ANXA3: variants seen among roughly 807,000 people sequenced by gnomAD.
ANXA3 encodes the protein 35-alpha calcimedin.
In ANXA3, 46 loss-of-function variants were observed where a neutral mutation model predicts 48.8. The observed-to-expected ratio is 0.94, with a 90% CI of 0.74 to 1.21. ANXA3 has a LOEUF of 1.21. Ranked by LOEUF, ANXA3 falls within the 50% of genes most tolerant of loss-of-function variation. The probability of loss-of-function intolerance (pLI) is 0.00; values close to 1 mark genes in which losing one functional copy is unlikely to be tolerated. For synonymous variants in ANXA3, 128 were observed against 134.7 expected (o/e 0.95, Z 0.35); for missense variants, 383 against 378.6 (o/e 1.01, Z -0.10).
At chr4:78,579,720 G>A (rs1723034902) in intron 4 of ANXA3, among the ~76,000 whole-genome samples, 1 of 152,180 alleles carries the variant, frequency 6.6e-6, no homozygotes, top group Admixed American at 6.5e-5. Flanking sequence ...CCTGAGATCA[G>A]GAGTTTGAGA....
intron 2 of ANXA3, 57 bp downstream of exon 2, chr4:78,554,545 C>T: frequency 6.5e-7 from 1 of 1,527,872 alleles, no homozygotes. Context: ...AACCAAAACA[C>T]AGAAGGTCAA....
At chr4:78,587,635 A>AT (rs1416640615) in intron 6 of ANXA3, among the ~76,000 whole-genome samples, 1 of 152,168 alleles carries the variant, frequency 6.6e-6, no homozygotes, top group Non-Finnish European at 1.5e-5. Context: ...AGGAGTACAT[A>AT]TTGGTCCTCA....
intron 2 of ANXA3, among the ~76,000 whole-genome samples, chr4:78,562,367 C>T (rs1420955967): frequency 6.6e-6 from 1 of 152,152 alleles, no homozygotes. Context: ...TCATTTGTAA[C>T]TCTTTGTGTT....
At chr4:78,578,852 A>AAAT (rs1723015425) in intron 3 of ANXA3, among the ~76,000 whole-genome samples, 175 bp from the exon 4 acceptor site, 1 of 148,742 alleles carries the variant, frequency 6.7e-6, no homozygotes, top group Non-Finnish European at 1.5e-5. Context: ...TCAGGCAAAC[A>AAAT]AAATAAATAA....
chr4:78,595,732 T>G, intron 8 of ANXA3, 62 bp from the exon 9 acceptor site: 1 of 1,045,118 alleles, frequency 9.6e-7, no homozygotes, highest in African/African-American at 1.6e-5. Context: ...ACTCCGATTC[T>G]TCTCATGTCA....
At chr4:78,607,833 GTC>G (rs1367562186) in intron 12 of ANXA3, among the ~76,000 whole-genome samples, 1 of 152,180 alleles carries the variant, frequency 6.6e-6, no homozygotes, top group Non-Finnish European at 1.5e-5. Context: ...TGTGTTGAGT[GTC>G]TCCTGTGGGC....
intron 1 of ANXA3, among the ~76,000 whole-genome samples, chr4:78,553,334 A>G (rs1043680056): frequency 4.6e-5 from 7 of 152,188 alleles, no homozygotes; most frequent in African/African-American, 1.7e-4. Flanking sequence ...CATTTAATCA[A>G]TAAGTTTTTT....
chr4:78,552,145 C>T (rs984769970), intron 1 of ANXA3: 1 of 152,348 alleles, frequency 6.6e-6, no homozygotes, highest in African/African-American at 2.4e-5. Context: ...CAAGCTGATA[C>T]TCAGCTGTCC....
chr4:78,600,524 G>T (rs1006974531), intron 10 of ANXA3, among the ~76,000 whole-genome samples: 2 of 152,120 alleles, frequency 1.3e-5, no homozygotes, highest in African/African-American at 4.8e-5. Context: ...TAGTTTAAAT[G>T]GTTAGTTTCT....
intron 7 of ANXA3, 109 bp downstream of exon 7, chr4:78,591,732 C>A (rs1258008908): frequency 1.1e-5 from 8 of 759,166 alleles, no homozygotes; most frequent in Non-Finnish European, 1.8e-5. Context: ...CACAATTTTC[C>A]TTATGAAATG....
rs780472674 is a variant in ANXA3, at chr4:78,597,342, A to C, written c.658A>C (p.Ser220Arg). 2.5e-6 allele frequency: 4 copies of C among 1,609,060 alleles called. No homozygotes were observed. The Admixed American group carries it at 6.8e-5, about 27-fold the overall frequency. ...AGCATTTGATGAATACAGAAATATC[A>C]GCCAAAAGGACATTGTGGACAGCAT... is the stretch of plus-strand genomic sequence containing the variant. ...KLTFDEYRNI[S>R]QKDIVDSIKG... The change falls in exon 10 of 13, where the codon AGC (serine) becomes CGC (arginine). Residue 220 changes from serine to arginine, a missense_variant. Ser to Arg is a moderately radical substitution (Grantham distance 110). Coordinates refer to ENST00000264908, the MANE Select transcript of ANXA3 (RefSeq NM_005139.3).
chr4:78,582,157 C>G lies in ANXA3; in HGVS notation c.199-20C>G. 6.6e-7 allele frequency: 1 copy of G among 1,524,130 alleles called. No individual in the cohort carries two copies. Among genetic ancestry groups the G allele is most frequent in the South Asian group, 1.1e-5 (1 of 87,308 alleles). 94.4% of individuals were successfully genotyped at this position (1,524,130 alleles called of 1,614,324 possible). A position where few individuals can be genotyped will look rare whatever the true frequency, so the allele number is the denominator to read the frequency against. The stretch of plus-strand genomic sequence containing the variant: ...GAAAAAAAGTATTTCACATTTTTCC[C>G]CTTGGTTTTTTGATTTTAGGAGCTG... On this transcript the variant is annotated intron_variant, in intron 4 of 12. Transcript: ENST00000264908.
intron 11 of ANXA3, chr4:78,601,936 A>G (rs1314130960): frequency 6.2e-6 from 1 of 160,438 alleles, no homozygotes; most frequent in African/African-American, 2.4e-5. Flanking sequence ...TTCATCCTCT[A>G]TTTTAAATAG....
intron 3 of ANXA3, among the ~76,000 whole-genome samples, chr4:78,576,115 T>C (rs1002275174): frequency 6.6e-6 from 1 of 152,222 alleles, no homozygotes; most frequent in African/African-American, 2.4e-5. Context: ...ATAATGACAC[T>C]AAATATCTAC....
intron 3 of ANXA3, among the ~76,000 whole-genome samples, chr4:78,575,172 A>AAT (rs1326380869): frequency 2.0e-5 from 3 of 152,230 alleles, no homozygotes; most frequent in African/African-American, 7.2e-5. Context: ...ATGTCAATAA[A>AAT]ATATAAAATA....
intron 7 of ANXA3, among the ~76,000 whole-genome samples, chr4:78,593,449 G>A (rs150072389): frequency 0.034 from 5,141 of 150,842 alleles, 118 homozygotes; most frequent in Middle Eastern, 0.063. Flanking sequence ...CAATCCACCC[G>A]CCTCAGCCTC....
At chr4:78,597,179 CT>C in intron 9 of ANXA3, 139 bp from the exon 10 acceptor site, 1 of 606,274 alleles carries the variant, frequency 1.6e-6, no homozygotes, top group East Asian at 3.2e-5. Flanking sequence ...ACAAAAACTT[CT>C]GTGCCCAGAT....
chr4:78,600,205 C>T (rs757137798), intron 10 of ANXA3, among the ~76,000 whole-genome samples: 3 of 152,082 alleles, frequency 2.0e-5, no homozygotes, highest in African/African-American at 4.8e-5. Flanking sequence ...AGGGAATGGG[C>T]AATTATGAAT....
chr4:78,556,352 A>G (rs925211782), intron 2 of ANXA3, among the ~76,000 whole-genome samples: 1 of 152,256 alleles, frequency 6.6e-6, no homozygotes, highest in Non-Finnish European at 1.5e-5. Flanking sequence ...CAACTTATAG[A>G]GTAATATGTA....
Sources: allele counts gnomAD v4.1 joint callset (sites outside exome capture counted in the v4.1 genomes callset), GRCh38; gene constraint gnomAD v4.1.1; transcripts MANE v1.5; gene names NCBI Gene and HGNC (gene_info 2026-07-23, HGNC 2026-07-21).